The following TBC1D12 variants were observed in gnomAD, a reference collection of about 807,000 sequenced individuals.
TBC1D12 encodes TBC1 domain family, member 12.
Under a neutral mutation model 86.7 loss-of-function variants are expected in TBC1D12, and 56 were observed. The observed-to-expected ratio is 0.65, with a 90% CI of 0.52 to 0.81. The LOEUF (loss-of-function observed/expected upper bound fraction) is 0.81, where lower values mean the gene tolerates loss of function less well. TBC1D12 is among the 30% of genes least tolerant of loss of function. The probability of loss-of-function intolerance (pLI) is 0.00; values close to 1 mark genes in which losing one functional copy is unlikely to be tolerated. For synonymous variants in TBC1D12, 421 were observed against 411.7 expected (o/e 1.02, Z -0.27); for missense variants, 1,023 against 1,038.8 (o/e 0.98, Z 0.21).
rs1357179313 is a variant in TBC1D12 at position 94,497,084 on chromosome 10, A to G, written c.1324A>G (p.Ile442Val). 6.4e-7 allele frequency: 1 copy of G among 1,570,140 alleles called. No individual in the cohort carries two copies. The highest frequency in any genetic ancestry group is 8.6e-7 in the Non-Finnish European group (1 of 1,165,010). ...EIKEAHKRKR[I>V]MKERFKQEEN... is the part of the protein sequence containing the mutation. ...TAAGGAAGCACATAAAAGAAAAAGA[A>G]TCATGAAAGAACGATTTAAGCAGGA... Residue 442 changes from isoleucine (I) to valine (V), a missense_variant, in exon 5 of 13, where the codon ATC becomes GTC. Around this residue, in one of 2 missense-constraint regions of TBC1D12, gnomAD observed 395 missense variants for 507.7 expected, o/e 0.78. Transcript: ENST00000225235.
At chr10:94,522,153 A>G in intron 10 of TBC1D12, 70 bp downstream of exon 10, 3 of 1,531,106 alleles carry the variant, frequency 2.0e-6, no homozygotes, top group South Asian at 2.5e-5. Flanking sequence ...AACAATAATT[A>G]GAAGGCCAAA....
chr10:94,471,139 G>T (rs1247393755), intron 2 of TBC1D12, among the ~76,000 whole-genome samples: 1 of 152,010 alleles, frequency 6.6e-6, no homozygotes, highest in African/African-American at 2.4e-5. Flanking sequence ...AGCCGGGCAT[G>T]GTGGCACATG....
intron 1 of TBC1D12, among the ~76,000 whole-genome samples, chr10:94,408,777 C>G (rs934347053): frequency 2.6e-5 from 4 of 152,088 alleles, no homozygotes; most frequent in African/African-American, 9.7e-5. Flanking sequence ...ATTCCTTTCT[C>G]AAATCACTAA....
At chr10:94,461,716 C>CT in intron 2 of TBC1D12, among the ~76,000 whole-genome samples, 1 of 148,082 alleles carries the variant, frequency 6.8e-6, no homozygotes, top group South Asian at 2.2e-4. Context: ...TGTTTTCCTA[C>CT]TGCAGCACTG....
chr10:94,402,575 CCTT>C lies in TBC1D12; in HGVS notation c.-35_-33del. The C allele has an allele frequency of 6.2e-7, 1 of 1,606,062 alleles. No individual in the cohort carries two copies. Among genetic ancestry groups the C allele is most frequent in the South Asian group, 1.1e-5 (1 of 90,456 alleles). On this transcript the variant is annotated 5_prime_UTR_variant, in exon 1 of 13. Transcript: ENST00000225235. The stretch of plus-strand genomic sequence containing the variant: ...CTCTGGCCAAGCCTGCGCCTGTAGT[CCTT>C]CTTTGCCTCCTGGGGCGGCCGCCAC...
intron 6 of TBC1D12, among the ~76,000 whole-genome samples, chr10:94,503,508 G>A (rs940983857): frequency 6.6e-6 from 1 of 152,062 alleles, no homozygotes; most frequent in Non-Finnish European, 1.5e-5. Context: ...AAAATTAAAT[G>A]TTTACCCTTT....
At chr10:94,473,857 AAATT>A (rs1322136597) in intron 2 of TBC1D12, among the ~76,000 whole-genome samples, 1 of 150,006 alleles carries the variant, frequency 6.7e-6, no homozygotes, top group African/African-American at 2.5e-5. Context: ...ACCATATATT[AAATT>A]AATTTATTTT....
In TBC1D12 at chr10:94,402,883, C is replaced by G. The variant is rs1335126619; in HGVS notation, c.270C>G (p.Leu90=). The G allele has an allele frequency of 6.7e-7, 1 of 1,495,728 alleles. No individual in the cohort carries two copies. The highest frequency in any genetic ancestry group is 8.9e-7 in the Non-Finnish European group (1 of 1,128,640). 92.7% of individuals were successfully genotyped at this position (1,495,728 alleles called of 1,614,324 possible). A position where few individuals can be genotyped will look rare whatever the true frequency, so the allele number is the denominator to read the frequency against. Residue 90 remains leucine, a synonymous_variant, in exon 1 of 13, where the codon CTC becomes CTG. Coordinates refer to ENST00000225235, the MANE Select transcript of TBC1D12 (RefSeq NM_015188.2). ...QLEPGLCYCP[L]PAGQAGAPPP... ...AGCCGGGGCTCTGCTACTGTCCGCT[C>G]CCCGCTGGCCAGGCCGGCGCCCCGC...
chr10:94,436,865 G>T (rs922943079), intron 1 of TBC1D12, among the ~76,000 whole-genome samples: 1 of 150,680 alleles, frequency 6.6e-6, no homozygotes, highest in Non-Finnish European at 1.5e-5. Context: ...GCACCACCAC[G>T]CACAGCTAAT....
chr10:94,508,122 A>T (rs2056483413), intron 7 of TBC1D12, among the ~76,000 whole-genome samples: 1 of 152,090 alleles, frequency 6.6e-6, no homozygotes, highest in Non-Finnish European at 1.5e-5. Flanking sequence ...GTGTCATTTA[A>T]CTTTTTGGTC....
intron 11 of TBC1D12, among the ~76,000 whole-genome samples, chr10:94,530,739 G>T (rs986584486): frequency 6.6e-6 from 1 of 151,882 alleles, no homozygotes; most frequent in African/African-American, 2.4e-5. Flanking sequence ...TTAACTACCA[G>T]ACTGTTCTAC....
intron 2 of TBC1D12, among the ~76,000 whole-genome samples, chr10:94,473,466 A>G (rs995419766): frequency 2.0e-5 from 3 of 152,202 alleles, no homozygotes; most frequent in African/African-American, 7.2e-5. Context: ...AAGGAGAAAT[A>G]GGCTTTGAGT....
At chr10:94,459,586 C>T (rs1183081051) in intron 2 of TBC1D12, among the ~76,000 whole-genome samples, 1 of 152,196 alleles carries the variant, frequency 6.6e-6, no homozygotes, top group Admixed American at 6.5e-5. Context: ...CAGGAGCCCA[C>T]CAGGGGGGTT....
At chr10:94,516,838 A>G (rs181691143) in intron 9 of TBC1D12, among the ~76,000 whole-genome samples, 2 of 152,208 alleles carry the variant, frequency 1.3e-5, no homozygotes, top group South Asian at 2.1e-4. Flanking sequence ...CAATTTCTAT[A>G]AAGTATCCCA....
In TBC1D12 at chr10:94,534,387, C is replaced by G. The variant is rs1589685111; in HGVS notation, c.*1291C>G. 6.6e-6 allele frequency: 1 copy of G among 152,234 alleles called. No individual in the cohort carries two copies. The highest frequency in any genetic ancestry group is 2.4e-5 in the African/African-American group (1 of 41,548). 9.4% of individuals were successfully genotyped at this position (152,234 alleles called of 1,614,324 possible). On this transcript the variant is annotated 3_prime_UTR_variant, in exon 13 of 13. Transcript: ENST00000225235. Reference sequence around the variant, plus strand: ...AGTGACTCTTTGGAAAATTGGTAGCCTCTGAATGAGTTATCCAACTTCTGC... The same window carrying G: ...AGTGACTCTTTGGAAAATTGGTAGCGTCTGAATGAGTTATCCAACTTCTGC...
intron 1 of TBC1D12, among the ~76,000 whole-genome samples, chr10:94,434,379 G>C (rs1053742015): frequency 6.6e-6 from 1 of 151,866 alleles, no homozygotes. Flanking sequence ...GGTGGTGTGC[G>C]CCTGTAATCC....
chr10:94,478,555 A>C (rs184646231), intron 3 of TBC1D12, among the ~76,000 whole-genome samples: 4 of 152,190 alleles, frequency 2.6e-5, no homozygotes, highest in Non-Finnish European at 4.4e-5. Context: ...CTAAAATATG[A>C]AAATTAGCTG....
chr10:94,406,259 C>T (rs1038702161), intron 1 of TBC1D12, among the ~76,000 whole-genome samples: 2 of 152,112 alleles, frequency 1.3e-5, no homozygotes, highest in African/African-American at 4.8e-5. Flanking sequence ...CTTAATATAG[C>T]TAGATGACAT....
In TBC1D12 at chr10:94,402,873, A is replaced by G; in HGVS notation, c.260A>G (p.Tyr87Cys). ...AGEQLEPGLC[Y>C]CPLPAGQAGA... is the part of the protein sequence containing the mutation. ...GAGCAGCTGGAGCCGGGGCTCTGCT[A>G]CTGTCCGCTCCCCGCTGGCCAGGCC... The change falls in exon 1 of 13, where the codon TAC (tyrosine) becomes TGC (cysteine). Residue 87 changes from tyrosine (Y) to cysteine (C), a missense_variant. Transcript: ENST00000225235. The G allele has an allele frequency of 1.3e-6, 2 of 1,515,366 alleles. No homozygotes were observed. Among genetic ancestry groups the G allele is most frequent in the Non-Finnish European group, 8.8e-7 (1 of 1,135,268 alleles). 93.9% of individuals were successfully genotyped at this position (1,515,366 alleles called of 1,614,324 possible).
Sources: allele counts gnomAD v4.1 joint callset (sites outside exome capture counted in the v4.1 genomes callset), GRCh38; gene constraint gnomAD v4.1.1; regional missense constraint gnomAD v4.1.1; transcripts MANE v1.5; gene names NCBI Gene and HGNC (gene_info 2026-07-23, HGNC 2026-07-21).